CNTN4: variants seen among roughly 807,000 people sequenced by gnomAD.
CNTN4 encodes the protein contactin 4, also known as contactin-4.
CNTN4 carries 77 observed loss-of-function variants against 122.5 expected under a neutral mutation model. The observed-to-expected ratio is 0.63, with a 90% confidence interval of 0.52 to 0.76. CNTN4 has a LOEUF of 0.76. Among genes scored for constraint, CNTN4 ranks in the 30% least tolerant of loss-of-function variants. CNTN4 has a pLI of 0.00. For missense variants in CNTN4, 1,256 were observed against 1,259.1 expected (o/e 1.00, Z 0.04); for synonymous variants, 512 against 447.0 (o/e 1.15, Z -1.83).
intron 4 of CNTN4, among the ~76,000 whole-genome samples, chr3:2,640,032 A>G (rs1317088867): frequency 1.3e-5 from 2 of 152,252 alleles, no homozygotes; most frequent in Admixed American, 6.5e-5. Context: ...AGTGAAAATC[A>G]TCAACATTTA....
chr3:2,178,876 T>C (rs2036876768), intron 2 of CNTN4, among the ~76,000 whole-genome samples: 1 of 151,964 alleles, frequency 6.6e-6, no homozygotes, highest in African/African-American at 2.4e-5. Context: ...TAACCCAAAA[T>C]AGGCTGTGTA....
intron 6 of CNTN4, among the ~76,000 whole-genome samples, chr3:2,800,542 A>T (rs981848712): frequency 6.6e-6 from 1 of 152,138 alleles, no homozygotes; most frequent in African/African-American, 2.4e-5. Context: ...CATCTTTGCA[A>T]CTTTCATTTC....
chr3:2,672,140 C>G (rs1193839443), intron 4 of CNTN4, among the ~76,000 whole-genome samples: 1 of 152,228 alleles, frequency 6.6e-6, no homozygotes, highest in East Asian at 1.9e-4. Flanking sequence ...GTCTTCCAAG[C>G]TGTCAGACAG....
At chr3:2,596,052 A>G (rs966579722) in intron 4 of CNTN4, among the ~76,000 whole-genome samples, 3 of 152,248 alleles carry the variant, frequency 2.0e-5, no homozygotes, top group African/African-American at 7.2e-5. Context: ...TGAATAAAAA[A>G]TAACACTATA....
intron 4 of CNTN4, among the ~76,000 whole-genome samples, chr3:2,621,176 T>G (rs2081975107): frequency 6.6e-6 from 1 of 152,162 alleles, no homozygotes; most frequent in Non-Finnish European, 1.5e-5. Context: ...TGTTCTCGCG[T>G]CTTCCTCCTC....
rs1002900800 is a variant in CNTN4, at chr3:2,791,071, T to G, written c.359-28415T>G. Among the ~76,000 whole-genome samples, 3 of 152,204 alleles carry G rather than the reference T, an allele frequency of 2.0e-5. No homozygotes were observed. The East Asian group carries it at 5.8e-4, about 29-fold the overall frequency. On this transcript the variant is annotated intron_variant, in intron 6 of 24. Transcript: ENST00000418658. Reference sequence around the variant, plus strand: ...GAAGACAACAAAGGCAGACCAAGATTTGAGTCGGCAGAATTTCAGTTTCCA... The same window carrying G: ...GAAGACAACAAAGGCAGACCAAGATGTGAGTCGGCAGAATTTCAGTTTCCA...
chr3:2,490,219 C>T (rs774436815), intron 3 of CNTN4, among the ~76,000 whole-genome samples: 204 of 152,298 alleles, frequency 1.3e-3, no homozygotes, highest in Non-Finnish European at 2.3e-3. Flanking sequence ...GAAAGGCACA[C>T]GCTCATCTGA....
chr3:3,009,543 C>T (rs1406252158), intron 14 of CNTN4, among the ~76,000 whole-genome samples: 1 of 151,008 alleles, frequency 6.6e-6, no homozygotes, highest in African/African-American at 2.4e-5. Flanking sequence ...CCGCCATTCT[C>T]CTGCCTCAGC....
At chr3:2,384,757 T>C (rs1559506180) in intron 3 of CNTN4, among the ~76,000 whole-genome samples, 1 of 132,174 alleles carries the variant, frequency 7.6e-6, no homozygotes, top group Non-Finnish European at 1.7e-5. Flanking sequence ...CAACTCAATG[T>C]GTGCGTGTGT....
At chr3:2,924,399 G>GT (rs1444734893) in intron 12 of CNTN4, among the ~76,000 whole-genome samples, 1 of 151,604 alleles carries the variant, frequency 6.6e-6, no homozygotes, top group East Asian at 1.9e-4. Flanking sequence ...ATTCAACATG[G>GT]TCTTAAATAT....
At chr3:2,333,321 T>C (rs1019576750) in intron 2 of CNTN4, among the ~76,000 whole-genome samples, 21 of 152,222 alleles carry the variant, frequency 1.4e-4, no homozygotes, top group Non-Finnish European at 2.9e-4. Context: ...TGTGTCACCT[T>C]GATAGGAAAC....
intron 6 of CNTN4, among the ~76,000 whole-genome samples, chr3:2,804,656 T>C (rs906648558): frequency 2.0e-5 from 3 of 152,058 alleles, no homozygotes; most frequent in Non-Finnish European, 4.4e-5. Flanking sequence ...TGCTCTTCTA[T>C]CACTTGAGGA....
chr3:2,318,770 T>C (rs1019233722), intron 2 of CNTN4, among the ~76,000 whole-genome samples: 6 of 152,068 alleles, frequency 3.9e-5, no homozygotes, highest in African/African-American at 1.2e-4. Context: ...CTCCCAAGTA[T>C]CTGGGACTGC....
chr3:2,354,620 G>C (rs1315672316), intron 3 of CNTN4, among the ~76,000 whole-genome samples: 1 of 152,152 alleles, frequency 6.6e-6, no homozygotes, highest in Non-Finnish European at 1.5e-5. Context: ...TGATACCAGA[G>C]CAACTATTTG....
intron 3 of CNTN4, among the ~76,000 whole-genome samples, chr3:2,433,879 A>T (rs2048167422): frequency 6.6e-6 from 1 of 152,178 alleles, no homozygotes; most frequent in African/African-American, 2.4e-5. Flanking sequence ...CTTGGAGGAC[A>T]TTATGCCAAT....
At chr3:2,400,322 C>A (rs1375444069) in intron 3 of CNTN4, among the ~76,000 whole-genome samples, 1 of 148,908 alleles carries the variant, frequency 6.7e-6, no homozygotes, top group Non-Finnish European at 1.5e-5. Context: ...CAAACATACA[C>A]ACACATATGT....
intron 3 of CNTN4, among the ~76,000 whole-genome samples, chr3:2,552,475 G>A (rs1436400989): frequency 1.3e-5 from 2 of 152,218 alleles, no homozygotes; most frequent in Admixed American, 6.5e-5. Context: ...TCATGTTGTG[G>A]GGGAAGCAAA....
rs184886495 is a variant in CNTN4, at chr3:2,198,728, C to T, written c.-145+98089C>T. ...ACTTAATCTGCTTCATTTTGAATTT[C>T]ATTTTCAAAGCTATTTCTTTTTCAG... On this transcript the variant is annotated intron_variant, in intron 2 of 24. Coordinates refer to ENST00000418658, the MANE Select transcript of CNTN4 (RefSeq NM_175607.3). Among the ~76,000 whole-genome samples the T allele has an allele frequency of 3.2e-3, 480 of 152,216 alleles. 1 individual carries two copies. Among genetic ancestry groups the T allele is most frequent in the Admixed American group, 8.3e-3 (127 of 15,268 alleles).
At chr3:2,714,758 G>T (rs1025844190) in intron 4 of CNTN4, among the ~76,000 whole-genome samples, 1 of 152,130 alleles carries the variant, frequency 6.6e-6, no homozygotes, top group East Asian at 1.9e-4. Context: ...TTATTTTGGA[G>T]ACAGGGTCTC....
Sources: allele counts gnomAD v4.1 joint callset (sites outside exome capture counted in the v4.1 genomes callset), GRCh38; gene constraint gnomAD v4.1.1; transcripts MANE v1.5; gene names NCBI Gene and HGNC (gene_info 2026-07-23, HGNC 2026-07-21).